PTPRM: variants seen among roughly 807,000 people sequenced by gnomAD.
The protein encoded by PTPRM is protein tyrosine phosphatase receptor type M.
PTPRM carries 47 observed loss-of-function variants against 186.7 expected under a neutral mutation model. That is an observed-to-expected ratio of 0.25 (90% CI 0.20 to 0.32). PTPRM has a LOEUF of 0.32. PTPRM is among the 10% of genes least tolerant of loss of function. The probability of loss-of-function intolerance (pLI) is 1.00; values close to 1 mark genes in which losing one functional copy is unlikely to be tolerated. For missense variants in PTPRM, 1,494 were observed against 1,865.0 expected (o/e 0.80, Z 3.66); for synonymous variants, 668 against 674.9 (o/e 0.99, Z 0.16).
At chr18:7,982,490 A>G (rs2082610773) in intron 7 of PTPRM, among the ~76,000 whole-genome samples, 1 of 151,452 alleles carries the variant, frequency 6.6e-6, no homozygotes, top group African/African-American at 2.4e-5. Flanking sequence ...TACCTCCTGA[A>G]GGTCCTGCCT....
intron 14 of PTPRM, among the ~76,000 whole-genome samples, chr18:8,217,148 A>G (rs1335781134): frequency 6.6e-6 from 1 of 152,194 alleles, no homozygotes; most frequent in Admixed American, 6.5e-5. Context: ...CTGGCTTGTC[A>G]TTTTCTAAAG....
intron 14 of PTPRM, among the ~76,000 whole-genome samples, chr18:8,217,451 A>G (rs147176178): frequency 7.2e-5 from 11 of 152,310 alleles, no homozygotes; most frequent in Non-Finnish European, 1.3e-4. Context: ...TCAAATTCCT[A>G]GTATACAAAT....
chr18:8,083,559 T>G (rs2090266296), intron 9 of PTPRM, among the ~76,000 whole-genome samples: 1 of 152,134 alleles, frequency 6.6e-6, no homozygotes, highest in Non-Finnish European at 1.5e-5. Flanking sequence ...TAGCACCCTA[T>G]TCGTTTCTTC....
At chr18:8,325,489 C>T (rs1439563005) in intron 22 of PTPRM, among the ~76,000 whole-genome samples, 3 of 152,178 alleles carry the variant, frequency 2.0e-5, no homozygotes, top group Non-Finnish European at 4.4e-5. Flanking sequence ...CTGCAAAGGA[C>T]ATAATCTCAT....
intron 2 of PTPRM, among the ~76,000 whole-genome samples, chr18:7,862,070 A>G (rs907201757): frequency 6.6e-6 from 1 of 152,188 alleles, no homozygotes; most frequent in Admixed American, 6.6e-5. Flanking sequence ...TGCCGTGTAC[A>G]CCTTTGGCAG....
chr18:7,994,861 TC>T (rs1200068398), intron 7 of PTPRM, among the ~76,000 whole-genome samples: 1 of 151,674 alleles, frequency 6.6e-6, no homozygotes, highest in African/African-American at 2.4e-5. Flanking sequence ...AATACCTACA[TC>T]AAAAAGTAGA....
intron 1 of PTPRM, among the ~76,000 whole-genome samples, chr18:7,731,226 A>T (rs1188838376): frequency 6.6e-6 from 1 of 152,222 alleles, no homozygotes; most frequent in African/African-American, 2.4e-5. Flanking sequence ...AATATCCAGT[A>T]AATTCCTTTC....
chr18:7,829,363 T>A (rs2045647993), intron 2 of PTPRM, among the ~76,000 whole-genome samples: 2 of 152,204 alleles, frequency 1.3e-5, no homozygotes, highest in Admixed American at 6.5e-5. Flanking sequence ...GCACATTTGA[T>A]ATCCAGGAAA....
At chr18:8,343,716 T>C (rs1299961644) in intron 23 of PTPRM, among the ~76,000 whole-genome samples, 196 bp downstream of exon 23, 3 of 152,228 alleles carry the variant, frequency 2.0e-5, no homozygotes, top group Non-Finnish European at 4.4e-5. Flanking sequence ...TTTGTTGCGA[T>C]AGCAACAGAC....
At chr18:7,772,335 TTC>T (rs2042318762) in intron 1 of PTPRM, among the ~76,000 whole-genome samples, 1 of 141,100 alleles carries the variant, frequency 7.1e-6, no homozygotes, top group Admixed American at 7.2e-5. Flanking sequence ...GTTCTTTCTT[TTC>T]TTTCTTTCTT....
intron 2 of PTPRM, among the ~76,000 whole-genome samples, chr18:7,870,097 C>T (rs1270471537): frequency 6.6e-6 from 1 of 152,194 alleles, no homozygotes; most frequent in East Asian, 1.9e-4. Context: ...AGATGGCTGA[C>T]AACTGGCTGC....
Position 8,125,998 on chromosome 18 carries a change from TATATATATATATATATATATA to T in PTPRM, c.2167+11172_2167+11192del, listed in dbSNP as rs1298271172. Among the ~76,000 whole-genome samples, 32 of 14,934 alleles carry T rather than the reference TATATATATATATATATATATA, an allele frequency of 2.1e-3. 2 individuals carry two copies. Among genetic ancestry groups the T allele is most frequent in the African/African-American group, 4.0e-3 (31 of 7,684 alleles). The allele number at this position is 14,934 out of a possible 152,430, so 9.8% of individuals were successfully genotyped here. A position where few individuals can be genotyped will look rare whatever the true frequency, so the allele number is the denominator to read the frequency against. On this transcript the variant is annotated intron_variant, in intron 13 of 32. Transcript: ENST00000580170. Reference sequence around the variant, plus strand: ...ATACATATATATATATATATATATATATATATATATATATATATATATATATATATTTTAAATCAGTAGACC... The same window carrying T: ...ATACATATATATATATATATATATATTATATATATTTTAAATCAGTAGACC...
chr18:7,959,194 C>T (rs2053510709), intron 7 of PTPRM, among the ~76,000 whole-genome samples: 1 of 152,154 alleles, frequency 6.6e-6, no homozygotes, highest in Non-Finnish European at 1.5e-5. Context: ...AGTTAACTAC[C>T]ATTTAATAAA....
chr18:7,667,703 A>AT (rs2039128033), intron 1 of PTPRM, among the ~76,000 whole-genome samples: 4 of 152,344 alleles, frequency 2.6e-5, no homozygotes, highest in Middle Eastern at 6.8e-3. Flanking sequence ...GACACTTAGT[A>AT]AACTATCCAT....
intron 1 of PTPRM, among the ~76,000 whole-genome samples, chr18:7,585,225 G>A (rs1249871234): frequency 6.6e-6 from 1 of 152,198 alleles, no homozygotes; most frequent in Non-Finnish European, 1.5e-5. Flanking sequence ...AGGGAAGGGA[G>A]AGAATAAACT....
At chr18:7,986,369 T>C (rs2082963898) in intron 7 of PTPRM, among the ~76,000 whole-genome samples, 2 of 152,240 alleles carry the variant, frequency 1.3e-5, no homozygotes, top group Admixed American at 1.3e-4. Flanking sequence ...TGTATGGTTC[T>C]GGTCCGTTCT....
chr18:8,024,920 C>T (rs1343323939), intron 7 of PTPRM, among the ~76,000 whole-genome samples: 1 of 151,934 alleles, frequency 6.6e-6, no homozygotes, highest in East Asian at 1.9e-4. Flanking sequence ...CTGGACTCAA[C>T]CCATCCTCCT....
chr18:7,953,935 A>G (rs1327904729), intron 6 of PTPRM, among the ~76,000 whole-genome samples: 1 of 152,222 alleles, frequency 6.6e-6, no homozygotes, highest in African/African-American at 2.4e-5. Context: ...ATGAGGAGTT[A>G]AAAACAGAAC....
intron 11 of PTPRM, among the ~76,000 whole-genome samples, chr18:8,093,171 C>A (rs1026484496): frequency 7.2e-5 from 11 of 151,792 alleles, no homozygotes; most frequent in Non-Finnish European, 1.5e-4. Context: ...ATCTCACTGT[C>A]CGTAAGTCCA....
Sources: allele counts gnomAD v4.1 joint callset (sites outside exome capture counted in the v4.1 genomes callset), GRCh38; gene constraint gnomAD v4.1.1; transcripts MANE v1.5; gene names NCBI Gene and HGNC (gene_info 2026-07-23, HGNC 2026-07-21).